The following TTC23L variants were observed in gnomAD, a reference collection of about 807,000 sequenced individuals.
The protein encoded by TTC23L is tetratricopeptide repeat domain 23 like.
In TTC23L, 42 loss-of-function variants were observed where a neutral mutation model predicts 48.1. The observed-to-expected ratio is 0.87, with a 90% CI of 0.68 to 1.13. The LOEUF (loss-of-function observed/expected upper bound fraction) is 1.13, where lower values mean the gene tolerates loss of function less well. Ranked by LOEUF, TTC23L falls within the 50% of genes most tolerant of loss-of-function variation. The pLI is 0.00. For missense variants in TTC23L, 391 were observed against 421.0 expected, an observed-to-expected ratio of 0.93 and a Z score of 0.62; for synonymous variants, 159 against 157.2, an observed-to-expected ratio of 1.01 and a Z score of -0.09.
chr5:34,858,906 C>T (rs72732821), intron 4 of TTC23L, among the ~76,000 whole-genome samples: 4 of 152,024 alleles, frequency 2.6e-5, no homozygotes, highest in African/African-American at 9.7e-5. Context: ...AGAAGGCCCA[C>T]AATGTGGGGC....
chr5:34,892,770 G>A (rs573395264), intron 9 of TTC23L, among the ~76,000 whole-genome samples: 1 of 152,232 alleles, frequency 6.6e-6, no homozygotes, highest in East Asian at 1.9e-4. Flanking sequence ...GTAGATACCC[G>A]ATATTGCTGA....
At chr5:34,891,275 TCTTAAC>T (rs767045539) in intron 9 of TTC23L, among the ~76,000 whole-genome samples, 13 of 152,326 alleles carry the variant, frequency 8.5e-5, no homozygotes, top group Non-Finnish European at 1.9e-4. Context: ...TGACCTGTGA[TCTTAAC>T]CTGCCTTTTC....
chr5:34,914,034 A>G, the TTC23L span: 2 of 456,542 alleles, frequency 4.4e-6, no homozygotes, highest in South Asian at 3.1e-5. Context: ...CCCCTGCATG[A>G]GGACAAGAAC....
At chr5:34,893,087 C>CTTAA (rs375462988) in intron 9 of TTC23L, among the ~76,000 whole-genome samples, 5 of 152,048 alleles carry the variant, frequency 3.3e-5, no homozygotes, top group African/African-American at 9.7e-5. Flanking sequence ...TGTTTAGACC[C>CTTAA]TTAATTATCT....
chr5:34,875,248 T>C lies in TTC23L; in HGVS notation c.950-4933T>C, dbSNP rs150099722. 1.9e-3 allele frequency among the ~76,000 whole-genome samples: 293 copies of C among 152,334 alleles called. 2 individuals carry two copies. The highest frequency in any genetic ancestry group is 6.8e-3 in the African/African-American group (282 of 41,588). ...TAAGAAGAAATAGATGAATTCACTA[T>C]CATAGTTGTACTCTTCAACACCCCT... On this transcript the variant is annotated intron_variant, in intron 8 of 10. Coordinates refer to ENST00000505624, the Ensembl canonical transcript of TTC23L.
chr5:34,911,191 A>AAAAGATG, the TTC23L span, among the ~76,000 whole-genome samples: 2 of 152,222 alleles, frequency 1.3e-5, no homozygotes, highest in Non-Finnish European at 2.9e-5. Context: ...TGCATCCTGA[A>AAAAGATG]CTAACTTGAA....
At chr5:34,884,277 T>C (rs1445560414) in intron 9 of TTC23L, among the ~76,000 whole-genome samples, 2 of 152,100 alleles carry the variant, frequency 1.3e-5, no homozygotes, top group Middle Eastern at 3.2e-3. Context: ...ATAAAGGCCA[T>C]ACATATATGC....
At chr5:34,855,769 TTATAA>T (rs974471921) in intron 4 of TTC23L, among the ~76,000 whole-genome samples, 1 of 152,154 alleles carries the variant, frequency 6.6e-6, no homozygotes, top group Non-Finnish European at 1.5e-5. Flanking sequence ...AGTATGGTGT[TTATAA>T]TACGCCTCTT....
rs759619134 is a variant in TTC23L, at chr5:34,845,477, A to AT, written c.69-9dup. 3.7e-5 allele frequency: 59 copies of AT among 1,608,850 alleles called. 1 individual carries two copies. In the Admixed American group the frequency reaches 9.9e-4, roughly 27 times the overall value. On this transcript the variant is annotated splice_polypyrimidine_tract_variant and intron_variant, in intron 2 of 10. Coordinates refer to ENST00000505624, the Ensembl canonical transcript of TTC23L. Reference sequence around the variant, plus strand: ...TAAATCCTGAATCCTTGCCTCTCTCATACCTACAGGTCACAGCAAACCGAG... The same window carrying AT: ...TAAATCCTGAATCCTTGCCTCTCTCATTACCTACAGGTCACAGCAAACCGAG...
the TTC23L span, chr5:34,914,682 C>A: frequency 1.1e-5 from 17 of 1,613,922 alleles, no homozygotes; most frequent in Non-Finnish European, 1.3e-5. Context: ...CTTAAAGGCG[C>A]CTACTTCCAT....
intron 7 of TTC23L, 108 bp downstream of exon 7, chr5:34,867,177 A>T (rs1346255396): frequency 1.7e-6 from 2 of 1,195,342 alleles, no homozygotes; most frequent in Admixed American, 4.0e-5. Context: ...GCTGGAATTG[A>T]TTCTGTTTTA....
chr5:34,886,036 C>T (rs1482544588), intron 9 of TTC23L, among the ~76,000 whole-genome samples: 2 of 151,972 alleles, frequency 1.3e-5, no homozygotes, highest in African/African-American at 2.4e-5. Context: ...TTCAGACTGC[C>T]TGGTGTTGGA....
chr5:34,880,698 G>A (rs140169885), intron 9 of TTC23L: 254 of 378,224 alleles, frequency 6.7e-4, no homozygotes, highest in African/African-American at 5.3e-3. Flanking sequence ...TAGTGCAGTG[G>A]GGCGATCTCG....
the TTC23L span, chr5:34,918,458 T>C: frequency 6.9e-6 from 11 of 1,602,190 alleles, no homozygotes; most frequent in Admixed American, 1.7e-5. Flanking sequence ...AGAATGTTGA[T>C]GCCTCATTCT....
chr5:34,914,567 GTTAT>G, the TTC23L span: 1 of 823,528 alleles, frequency 1.2e-6, no homozygotes, highest in Non-Finnish European at 1.9e-6. Flanking sequence ...TATTTATTAA[GTTAT>G]TTATTATGAC....
At chr5:34,888,000 T>C (rs1302268457) in intron 9 of TTC23L, among the ~76,000 whole-genome samples, 1 of 152,210 alleles carries the variant, frequency 6.6e-6, no homozygotes, top group Non-Finnish European at 1.5e-5. Flanking sequence ...AATTCATATG[T>C]TGAAACCTAA....
intron 8 of TTC23L, among the ~76,000 whole-genome samples, chr5:34,873,007 G>A (rs1274196186): frequency 6.6e-6 from 1 of 151,974 alleles, no homozygotes; most frequent in Admixed American, 6.6e-5. Flanking sequence ...AAGTTGCAAT[G>A]AGCCGAGATC....
intron 4 of TTC23L, among the ~76,000 whole-genome samples, chr5:34,857,627 A>G (rs191059805): frequency 2.9e-4 from 44 of 152,336 alleles, no homozygotes; most frequent in Admixed American, 2.4e-3. Flanking sequence ...ATTACTCAAT[A>G]AGAGAAATGG....
the TTC23L span, chr5:34,915,059 G>A: frequency 3.1e-6 from 2 of 652,746 alleles, no homozygotes; most frequent in South Asian, 3.8e-5. Flanking sequence ...GGCTGAACAC[G>A]GCTGACCAGG....
Sources: allele counts gnomAD v4.1 joint callset (sites outside exome capture counted in the v4.1 genomes callset), GRCh38; gene constraint gnomAD v4.1.1; transcripts MANE v1.5; gene names NCBI Gene and HGNC (gene_info 2026-07-23, HGNC 2026-07-21).